ARMH4: variants seen among roughly 807,000 people sequenced by gnomAD.
ARMH4 encodes the protein armadillo-like helical domain-containing protein 4.
In ARMH4, 49 loss-of-function variants were observed where a neutral mutation model predicts 61.9. That is an observed-to-expected ratio of 0.79 (90% CI 0.63 to 1.00). The LOEUF (loss-of-function observed/expected upper bound fraction) is 1.00, where lower values mean the gene tolerates loss of function less well. Ranked by LOEUF, ARMH4 falls within the 50% of genes least tolerant of loss-of-function variation. The pLI is 0.00. For missense variants in ARMH4, 934 were observed against 930.0 expected (o/e 1.00, Z -0.06); for synonymous variants, 368 against 341.5 (o/e 1.08, Z -0.85).
chr14:58,098,353 C>T (rs1269328227), intron 4 of ARMH4, among the ~76,000 whole-genome samples: 3 of 152,148 alleles, frequency 2.0e-5, no homozygotes, highest in Non-Finnish European at 4.4e-5. Context: ...TAACGGGTGC[C>T]GTTGCAGACA....
intron 5 of ARMH4, among the ~76,000 whole-genome samples, chr14:58,052,187 A>G (rs140572467): frequency 6.6e-6 from 1 of 152,216 alleles, no homozygotes; most frequent in East Asian, 1.9e-4. Context: ...GCTGAGCTCC[A>G]GTGAGACCAG....
At chr14:58,060,104 T>C (rs1448530367) in intron 5 of ARMH4, among the ~76,000 whole-genome samples, 1 of 152,250 alleles carries the variant, frequency 6.6e-6, no homozygotes, top group Admixed American at 6.5e-5. Flanking sequence ...TAGTCCGTTT[T>C]AATCAATATT....
chr14:58,151,754 C>G (rs1283923511), intron 1 of ARMH4, among the ~76,000 whole-genome samples: 1 of 152,246 alleles, frequency 6.6e-6, no homozygotes, highest in Admixed American at 6.5e-5. Flanking sequence ...GCAGCCAGCC[C>G]TGCAAGCTCC....
chr14:58,071,748 G>A (rs1269536496), intron 5 of ARMH4, among the ~76,000 whole-genome samples: 1 of 152,228 alleles, frequency 6.6e-6, no homozygotes, highest in Non-Finnish European at 1.5e-5. Flanking sequence ...TCTCAAGAGA[G>A]ATATAATGAC....
At chr14:58,071,403 G>A (rs553074106) in intron 5 of ARMH4, among the ~76,000 whole-genome samples, 3 of 152,132 alleles carry the variant, frequency 2.0e-5, no homozygotes, top group East Asian at 1.9e-4. Flanking sequence ...AGCAAATACC[G>A]ATAGAATAAC....
chr14:58,032,921 A>G (rs184134376), intron 5 of ARMH4, among the ~76,000 whole-genome samples: 1,646 of 151,190 alleles, frequency 0.011, 32 homozygotes, highest in African/African-American at 0.039. Context: ...AATCTCGCTG[A>G]TTGCTAGCAC....
chr14:58,047,309 G>A (rs568315317), intron 5 of ARMH4, among the ~76,000 whole-genome samples: 15 of 152,288 alleles, frequency 9.8e-5, no homozygotes, highest in African/African-American at 3.4e-4. Context: ...CACAGTAAAC[G>A]TTTGGATCCC....
At chr14:58,050,088 T>C (rs1192977836) in intron 5 of ARMH4, among the ~76,000 whole-genome samples, 1 of 152,236 alleles carries the variant, frequency 6.6e-6, no homozygotes, top group Non-Finnish European at 1.5e-5. Flanking sequence ...CAGTAATTTG[T>C]CTATGGTGCA....
chr14:58,022,291 T>C (rs1459461504), intron 5 of ARMH4, among the ~76,000 whole-genome samples: 1 of 152,152 alleles, frequency 6.6e-6, no homozygotes, highest in African/African-American at 2.4e-5. Context: ...TTTTCTTCTC[T>C]GACTCTAACC....
intron 1 of ARMH4, among the ~76,000 whole-genome samples, chr14:58,151,481 C>G (rs553884537): frequency 1.3e-5 from 2 of 152,134 alleles, no homozygotes; most frequent in Non-Finnish European, 2.9e-5. Flanking sequence ...CAGCCGCGTC[C>G]TGGGGGACGA....
At chr14:58,146,035 G>A (rs1435327748) in intron 1 of ARMH4, among the ~76,000 whole-genome samples, 3 of 152,242 alleles carry the variant, frequency 2.0e-5, no homozygotes, top group African/African-American at 4.8e-5. Flanking sequence ...CGAGAAGACT[G>A]TTGTCAGTTC....
At chr14:58,024,158 T>G (rs1400543127) in intron 5 of ARMH4, among the ~76,000 whole-genome samples, 1 of 152,202 alleles carries the variant, frequency 6.6e-6, no homozygotes, top group African/African-American at 2.4e-5. Flanking sequence ...CAGGTACTGA[T>G]TTCTCTCTTG....
chr14:58,097,132 G>T (rs1230567908), intron 4 of ARMH4, 151 bp from the exon 5 acceptor site: 1 of 872,300 alleles, frequency 1.1e-6, no homozygotes, highest in African/African-American at 1.7e-5. Flanking sequence ...TGTGAACTTT[G>T]CAGGATTATA....
rs184960659 is a variant in ARMH4 at position 58,025,942 on chromosome 14, G to A, written c.2090-13792C>T. ...GCTCTGCACTGATATTTACAAAGAA[G>A]GGTGCAAAGAGCCCAGGTACCCTAA... On this transcript the variant is annotated intron_variant, in intron 5 of 7. Coordinates refer to ENST00000267485, the MANE Select transcript of ARMH4 (RefSeq NM_001001872.4). 1.1e-4 allele frequency among the ~76,000 whole-genome samples: 17 copies of A among 152,110 alleles called. No individual in the cohort carries two copies. The East Asian group carries it at 2.5e-3, about 23-fold the overall frequency.
intron 3 of ARMH4, among the ~76,000 whole-genome samples, chr14:58,132,650 A>C (rs1594776175): frequency 7.9e-6 from 1 of 126,894 alleles, no homozygotes; most frequent in South Asian, 2.6e-4. Flanking sequence ...CAGTGGCGCC[A>C]TCTCCGCTCC....
chr14:58,109,311 G>A (rs982859578), intron 4 of ARMH4, among the ~76,000 whole-genome samples: 6 of 152,120 alleles, frequency 3.9e-5, no homozygotes, highest in Non-Finnish European at 1.5e-5. Flanking sequence ...ACTGATTTTT[G>A]TGTAGGATGT....
At chr14:58,112,580 A>T (rs1886390411) in intron 4 of ARMH4, among the ~76,000 whole-genome samples, 1 of 152,116 alleles carries the variant, frequency 6.6e-6, no homozygotes, top group Admixed American at 6.6e-5. Flanking sequence ...AGTGCTTATG[A>T]TTTATGTACA....
chr14:58,040,289 T>A (rs997728882), intron 5 of ARMH4, among the ~76,000 whole-genome samples: 1 of 152,108 alleles, frequency 6.6e-6, no homozygotes, highest in Non-Finnish European at 1.5e-5. Context: ...CCAGTCGTTG[T>A]TTGTTCTAAA....
chr14:58,080,253 C>T (rs993268615), intron 5 of ARMH4, among the ~76,000 whole-genome samples: 5 of 152,018 alleles, frequency 3.3e-5, no homozygotes, highest in Non-Finnish European at 4.4e-5. Flanking sequence ...CCTCAGCCTA[C>T]CAAGTAGCTG....
Sources: allele counts gnomAD v4.1 joint callset (sites outside exome capture counted in the v4.1 genomes callset), GRCh38; gene constraint gnomAD v4.1.1; transcripts MANE v1.5; gene names NCBI Gene and HGNC (gene_info 2026-07-23, HGNC 2026-07-21).